XRRA1: variants seen among roughly 807,000 people sequenced by gnomAD.
The protein encoded by XRRA1 is X-ray radiation resistance associated 1, also known as X-ray radiation resistance-associated protein 1.
XRRA1 carries 69 observed loss-of-function variants against 80.2 expected under a neutral mutation model. The observed-to-expected ratio is 0.86, with a 90% CI of 0.71 to 1.05. The LOEUF (loss-of-function observed/expected upper bound fraction) is 1.05. Ranked by LOEUF, XRRA1 falls within the 50% of genes least tolerant of loss-of-function variation. The pLI, the probability that XRRA1 is intolerant of heterozygous loss-of-function variation, is 0.00. For synonymous variants in XRRA1, 348 were observed against 389.9 expected (o/e 0.89, Z 1.27); for missense variants, 967 against 976.4 (o/e 0.99, Z 0.13).
rs398016677 is a variant in XRRA1 at position 74,922,256 on chromosome 11, CA to C, written c.523-910del. Among the ~76,000 whole-genome samples the C allele has an allele frequency of 5.0e-3, 351 of 69,630 alleles. 2 individuals are homozygous for C. The highest frequency in any genetic ancestry group is 0.02 in the African/African-American group (313 of 15,404). 45.7% of individuals were successfully genotyped at this position (69,630 alleles called of 152,430 possible). On this transcript the variant is annotated intron_variant, in intron 7 of 18. Coordinates refer to ENST00000684022, the MANE Select transcript of XRRA1 (RefSeq NM_001378157.1). ...TGGGCAACAGAGCAAGACTCTGCCT[CA>C]AAAAAAAAAAAAAAAAAAAAAGACA... is the stretch of plus-strand genomic sequence containing the variant.
Position 74,941,352 on chromosome 11 carries a change from C to T in XRRA1, c.-4-470G>A, listed in dbSNP as rs536823038. ...TAACAGAGTTCAGAGAAGAGGCTCACATTTTAGAGAAAATAGTGTACAAAT... is the reference window on the plus strand; with the variant it reads ...TAACAGAGTTCAGAGAAGAGGCTCATATTTTAGAGAAAATAGTGTACAAAT... On this transcript the variant is annotated intron_variant, in intron 2 of 18. Coordinates refer to ENST00000684022, the MANE Select transcript of XRRA1 (RefSeq NM_001378157.1). Among the ~76,000 whole-genome samples the T allele has an allele frequency of 8.1e-4, 124 of 152,262 alleles. 2 individuals are homozygous for T. Among genetic ancestry groups the T allele is most frequent in the Admixed American group, 7.7e-3 (118 of 15,298 alleles).
chr11:74,892,970 A>T (rs1321930813), intron 10 of XRRA1, among the ~76,000 whole-genome samples: 1 of 152,210 alleles, frequency 6.6e-6, no homozygotes, highest in African/African-American at 2.4e-5. Context: ...ACTGTAAACT[A>T]GTTCAACCGT....
chr11:74,877,336 T>TA (rs1412228252), intron 10 of XRRA1, among the ~76,000 whole-genome samples: 1 of 152,138 alleles, frequency 6.6e-6, no homozygotes, highest in Non-Finnish European at 1.5e-5. Flanking sequence ...ACACTTCTGG[T>TA]AAAGTACAGC....
rs1008007323 is a variant in XRRA1 at position 74,860,194 on chromosome 11, A to C, written c.1045-911T>G. Among the ~76,000 whole-genome samples the C allele has an allele frequency of 9.8e-4, 149 of 152,314 alleles. 1 individual carries two copies. Among genetic ancestry groups the C allele is most frequent in the African/African-American group, 3.5e-3 (145 of 41,560 alleles). ...TTGTACCCTTCTGGGTCAACTTGTA[A>C]AACCACACAAGTGGACAGGTCAGTC... is the stretch of plus-strand genomic sequence containing the variant. On this transcript the variant is annotated intron_variant, in intron 11 of 18. Coordinates refer to ENST00000684022, the MANE Select transcript of XRRA1 (RefSeq NM_001378157.1).
intron 10 of XRRA1, among the ~76,000 whole-genome samples, chr11:74,891,946 G>A (rs1413199106): frequency 1.3e-5 from 2 of 152,152 alleles, no homozygotes; most frequent in Non-Finnish European, 2.9e-5. Flanking sequence ...TCATGGATAG[G>A]AAGAATCAGT....
intron 10 of XRRA1, among the ~76,000 whole-genome samples, chr11:74,864,672 C>G (rs1157429523): frequency 2.0e-5 from 3 of 152,220 alleles, no homozygotes; most frequent in East Asian, 3.8e-4. Context: ...GTAGTGCACA[C>G]TAGTGCCTTG....
chr11:74,942,381 A>C (rs1489477194), intron 2 of XRRA1, among the ~76,000 whole-genome samples: 1 of 152,206 alleles, frequency 6.6e-6, no homozygotes, highest in Admixed American at 6.5e-5. Context: ...AGTGAATATA[A>C]GCAAGTTTTT....
At chr11:74,898,338 CAA>C (rs145286980) in intron 10 of XRRA1, among the ~76,000 whole-genome samples, 3,974 of 151,876 alleles carry the variant, frequency 0.026, 56 homozygotes, top group Non-Finnish European at 0.038. Context: ...AAAAGGAAGA[CAA>C]GAGGGAAAGA....
At position 74,842,980 on chromosome 11, in the gene XRRA1, C is replaced by T. The variant is rs766461651; in HGVS notation, c.*220G>A. 8 of 598,238 alleles carry T rather than the reference C, an allele frequency of 1.3e-5. No homozygotes were observed. Among genetic ancestry groups the T allele is most frequent in the Non-Finnish European group, 2.3e-5 (8 of 344,986 alleles). The allele number at this position is 598,238 out of a possible 1,614,324, so 37.1% of individuals were successfully genotyped here. A position where few individuals can be genotyped will look rare whatever the true frequency, so the allele number is the denominator to read the frequency against. On this transcript the variant is annotated 3_prime_UTR_variant, in exon 19 of 19. Transcript: ENST00000684022. Reference sequence around the variant, plus strand: ...GGCACCCAGTCTATTGCCCTGTGCACCCACTCTTTATTGCCGCTGGGCCAG... The same window carrying T: ...GGCACCCAGTCTATTGCCCTGTGCATCCACTCTTTATTGCCGCTGGGCCAG...
At chr11:74,938,346 T>C (rs1366999804) in intron 3 of XRRA1, among the ~76,000 whole-genome samples, 1 of 152,210 alleles carries the variant, frequency 6.6e-6, no homozygotes, top group Non-Finnish European at 1.5e-5. Context: ...GAACTTTGCT[T>C]CTACTTTATC....
intron 8 of XRRA1, among the ~76,000 whole-genome samples, chr11:74,908,395 A>G (rs889489823): frequency 7.9e-5 from 12 of 152,102 alleles, no homozygotes; most frequent in African/African-American, 2.9e-4. Context: ...CACCTCTACT[A>G]GCCCCATGTG....
chr11:74,913,791 C>T (rs2056389167), intron 8 of XRRA1: 1 of 152,034 alleles, frequency 6.6e-6, no homozygotes. Context: ...AGGTAAGCCC[C>T]CTCCCCCATC....
intron 10 of XRRA1, among the ~76,000 whole-genome samples, chr11:74,880,265 A>T (rs907378120): frequency 2.6e-5 from 4 of 152,204 alleles, no homozygotes; most frequent in African/African-American, 9.7e-5. Context: ...AGATGTTTGT[A>T]GTATTCTCTG....
intron 8 of XRRA1, among the ~76,000 whole-genome samples, chr11:74,912,875 T>C (rs1591353101): frequency 6.6e-6 from 1 of 152,190 alleles, no homozygotes; most frequent in Non-Finnish European, 1.5e-5. Context: ...AACACAGATA[T>C]AGAACATTTC....
At chr11:74,929,363 G>A (rs530618744) in intron 6 of XRRA1, among the ~76,000 whole-genome samples, 3 of 151,982 alleles carry the variant, frequency 2.0e-5, no homozygotes, top group African/African-American at 7.2e-5. Flanking sequence ...CCCCTCCCCT[G>A]AAAACCTGAA....
chr11:74,890,245 A>T (rs570729384), intron 10 of XRRA1, among the ~76,000 whole-genome samples: 1 of 152,092 alleles, frequency 6.6e-6, no homozygotes, highest in African/African-American at 2.4e-5. Flanking sequence ...GGATTAAGAA[A>T]CTCACTCAAA....
At chr11:74,913,304 G>A (rs2056304775) in intron 8 of XRRA1, among the ~76,000 whole-genome samples, 1 of 152,214 alleles carries the variant, frequency 6.6e-6, no homozygotes. Context: ...AAAGATGGAA[G>A]GATAATGATT....
At chr11:74,923,986 C>A (rs1941574318) in intron 7 of XRRA1, among the ~76,000 whole-genome samples, 1 of 151,774 alleles carries the variant, frequency 6.6e-6, no homozygotes, top group Non-Finnish European at 1.5e-5. Context: ...CCTGTGGGTC[C>A]ACAGGCACGC....
chr11:74,940,471 G>C (rs1443044142), intron 3 of XRRA1, among the ~76,000 whole-genome samples: 14 of 152,210 alleles, frequency 9.2e-5, no homozygotes, highest in African/African-American at 3.4e-4. Context: ...AAAAAGCTAT[G>C]TGAAAAGCAA....
Sources: gnomAD v4.1 joint callset for allele counts (sites outside exome capture counted in the v4.1 genomes callset) on GRCh38, gnomAD v4.1.1 for gene constraint, MANE v1.5 for transcripts, NCBI Gene and HGNC (gene_info 2026-07-23, HGNC 2026-07-21) for gene names.